Variants in CLEC2A observed in about 807,000 individuals in gnomAD.
CLEC2A encodes the protein keratinocyte-associated C-type lectin.
Under a neutral mutation model 18.6 loss-of-function variants are expected in CLEC2A, and 19 were observed. That is an observed-to-expected ratio of 1.02 (90% CI 0.71 to 1.50). The LOEUF (loss-of-function observed/expected upper bound fraction) is 1.50. Among genes scored for constraint, CLEC2A ranks in the 40% most tolerant of loss-of-function variants. The pLI, the probability that CLEC2A is intolerant of heterozygous loss-of-function variation, is 0.00. For missense variants in CLEC2A, 190 were observed against 207.9 expected, an observed-to-expected ratio of 0.91 and a Z score of 0.53; for synonymous variants, 74 against 64.0, an observed-to-expected ratio of 1.16 and a Z score of -0.75.
chr12:9,893,993 A>G (rs1862720252), downstream of CLEC2A, among the ~76,000 whole-genome samples: 1 of 152,116 alleles, frequency 6.6e-6, no homozygotes, highest in Non-Finnish European at 1.5e-5. Flanking sequence ...CAGAAATTCA[A>G]CTAAACTTGT....
intron 2 of CLEC2A, among the ~76,000 whole-genome samples, chr12:9,925,164 G>A (rs138567682): frequency 5.3e-5 from 8 of 152,308 alleles, no homozygotes; most frequent in East Asian, 1.9e-4. Context: ...TGCATGTCAC[G>A]TCAAACTTAT....
chr12:9,911,958 T>C (rs1025035670), downstream of CLEC2A, among the ~76,000 whole-genome samples: 8 of 152,060 alleles, frequency 5.3e-5, no homozygotes, highest in African/African-American at 1.7e-4. Flanking sequence ...CATACAGACA[T>C]GCAAAGCACA....
At chr12:9,894,126 T>TTTTC (rs1862724795), downstream of CLEC2A, among the ~76,000 whole-genome samples, 2 of 130,200 alleles carry the variant, frequency 1.5e-5, no homozygotes, top group Non-Finnish European at 1.6e-5. Context: ...TTTCTTTTCT[T>TTTTC]TCTCTCTCTC....
intron 1 of CLEC2A, among the ~76,000 whole-genome samples, chr12:9,928,714 A>C (rs756111688): frequency 1.3e-5 from 2 of 152,214 alleles, no homozygotes; most frequent in Admixed American, 1.3e-4. Context: ...ACAGAAGAAT[A>C]CACGCAAGTG....
chr12:9,893,609 C>G, the CLEC2A span: 1 of 545,316 alleles, frequency 1.8e-6, no homozygotes, highest in Non-Finnish European at 3.0e-6. Context: ...AACTTCTTCA[C>G]TTTCCATTCT....
chr12:9,880,564 A>G, the CLEC2A span, among the ~76,000 whole-genome samples: 1 of 151,970 alleles, frequency 6.6e-6, no homozygotes, highest in Non-Finnish European at 1.5e-5. Context: ...AGTGAAATAT[A>G]TATAAAATAA....
intron 2 of CLEC2A, among the ~76,000 whole-genome samples, chr12:9,923,971 T>G (rs556346773): frequency 5.3e-5 from 8 of 151,544 alleles, no homozygotes; most frequent in South Asian, 2.1e-4. Context: ...GTCGTGGGGT[T>G]GGGAGAGTGG....
intron 1 of CLEC2A, among the ~76,000 whole-genome samples, chr12:9,929,266 T>C (rs1863331416): frequency 6.6e-6 from 1 of 152,200 alleles, no homozygotes; most frequent in Non-Finnish European, 1.5e-5. Flanking sequence ...TTTGTTTTCT[T>C]ATATCACTGG....
At chr12:9,915,012 G>T (rs975679764) in intron 4 of CLEC2A, among the ~76,000 whole-genome samples, 4 of 150,182 alleles carry the variant, frequency 2.7e-5, no homozygotes, top group African/African-American at 9.8e-5. Context: ...AAATTTATAA[G>T]AAAAAAAACA....
intron 1 of CLEC2A, among the ~76,000 whole-genome samples, chr12:9,929,988 G>A (rs1227192420): frequency 1.3e-5 from 2 of 151,518 alleles, no homozygotes; most frequent in African/African-American, 4.9e-5. Flanking sequence ...TAGTGTTTTA[G>A]TTTGCTAGGC....
At chr12:9,923,677 C>A (rs1407196076) in intron 2 of CLEC2A, among the ~76,000 whole-genome samples, 9 of 152,234 alleles carry the variant, frequency 5.9e-5, no homozygotes, top group African/African-American at 2.2e-4. Context: ...TGGAACCAAA[C>A]CAAGTGCCCA....
At chr12:9,915,020 AC>A (rs1328587736) in intron 4 of CLEC2A, among the ~76,000 whole-genome samples, 4 of 151,310 alleles carry the variant, frequency 2.6e-5, no homozygotes, top group East Asian at 1.9e-4. Flanking sequence ...AAGAAAAAAA[AC>A]ATCAAAAAGT....
downstream of CLEC2A, among the ~76,000 whole-genome samples, chr12:9,911,938 C>T (rs904471736): frequency 6.6e-6 from 1 of 152,102 alleles, no homozygotes; most frequent in Non-Finnish European, 1.5e-5. Context: ...TGGAGGCCTG[C>T]AACACAAACC....
downstream of CLEC2A, among the ~76,000 whole-genome samples, chr12:9,895,441 T>C (rs573349468): frequency 6.6e-6 from 1 of 152,182 alleles, no homozygotes; most frequent in Non-Finnish European, 1.5e-5. Context: ...CAGGCGTAGA[T>C]AATGAGAGGT....
At chr12:9,885,747 C>G in the CLEC2A span, among the ~76,000 whole-genome samples, 3 of 152,030 alleles carry the variant, frequency 2.0e-5, no homozygotes, top group East Asian at 5.8e-4. Context: ...TATTTTTTCT[C>G]TAAATATCAA....
At chr12:9,890,876 G>A in the CLEC2A span, among the ~76,000 whole-genome samples, 9 of 152,132 alleles carry the variant, frequency 5.9e-5, no homozygotes, top group East Asian at 1.9e-4. Flanking sequence ...TCTGTCTACC[G>A]CAATTCCTAA....
chr12:9,881,623 C>T, the CLEC2A span: 2 of 1,535,412 alleles, frequency 1.3e-6, no homozygotes, highest in Non-Finnish European at 8.7e-7. Context: ...GTATATGACG[C>T]TGAGTTTCAA....
chr12:9,924,446 C>G (rs1405126424), intron 2 of CLEC2A, among the ~76,000 whole-genome samples: 2 of 143,300 alleles, frequency 1.4e-5, no homozygotes, highest in Admixed American at 6.8e-5. Flanking sequence ...CGAAACCCAA[C>G]CCAACCCAAC....
At chr12:9,908,488 A>G (rs959640257), downstream of CLEC2A, among the ~76,000 whole-genome samples, 1 of 152,132 alleles carries the variant, frequency 6.6e-6, no homozygotes, top group African/African-American at 2.4e-5. Context: ...AGCAGGTGAT[A>G]TCAGATGGAG....
Sources: allele counts gnomAD v4.1 joint callset (sites outside exome capture counted in the v4.1 genomes callset), GRCh38; gene constraint gnomAD v4.1.1; transcripts MANE v1.5; gene names NCBI Gene and HGNC (gene_info 2026-07-23, HGNC 2026-07-21).